Variants in ZBTB7C observed in about 807,000 individuals in gnomAD.
The protein encoded by ZBTB7C is zinc finger and BTB domain containing 7C, also known as zinc finger and BTB domain-containing protein 7C.
Under a neutral mutation model 25.7 loss-of-function variants are expected in ZBTB7C, and 8 were observed. That is an observed-to-expected ratio of 0.31 (90% CI 0.18 to 0.56). The LOEUF (loss-of-function observed/expected upper bound fraction) is 0.56, where lower values mean the gene tolerates loss of function less well. Ranked by LOEUF, ZBTB7C falls within the 20% of genes least tolerant of loss-of-function variation. The probability of loss-of-function intolerance (pLI) is 0.91; values close to 1 mark genes in which losing one functional copy is unlikely to be tolerated. For missense variants in ZBTB7C, 824 were observed against 855.2 expected (o/e 0.96, Z 0.46); for synonymous variants, 394 against 369.0 (o/e 1.07, Z -0.78).
chr18:48,228,619 G>T (rs2043166452), intron 2 of ZBTB7C, among the ~76,000 whole-genome samples: 1 of 151,978 alleles, frequency 6.6e-6, no homozygotes, highest in Non-Finnish European at 1.5e-5. Context: ...GCCCACTGTG[G>T]TTGCCGCCCC....
At chr18:48,239,945 C>T (rs1472480544) in intron 2 of ZBTB7C, among the ~76,000 whole-genome samples, 6 of 151,784 alleles carry the variant, frequency 4.0e-5, no homozygotes, top group African/African-American at 1.2e-4. Context: ...AGGTGAAAAC[C>T]AACTTAAAGA....
At chr18:48,090,777 GTCTTACCAGAA>G (rs2038382656) in intron 3 of ZBTB7C, among the ~76,000 whole-genome samples, 1 of 151,210 alleles carries the variant, frequency 6.6e-6, no homozygotes, top group Admixed American at 6.6e-5. Context: ...CCCCTTGCCT[GTCTTACCAGAA>G]TCAGACCCAT....
intron 1 of ZBTB7C, among the ~76,000 whole-genome samples, chr18:48,366,227 G>A (rs2047218522): frequency 1.3e-5 from 2 of 152,170 alleles, no homozygotes; most frequent in African/African-American, 4.8e-5. Context: ...AAACCAGTGG[G>A]GGAAAGATAG....
intron 3 of ZBTB7C, among the ~76,000 whole-genome samples, chr18:48,112,592 G>C (rs1379582204): frequency 6.6e-6 from 1 of 152,054 alleles, no homozygotes; most frequent in Non-Finnish European, 1.5e-5. Context: ...TTGAACTCTT[G>C]AACGACTTGG....
rs1256641502 is a variant in ZBTB7C, at chr18:48,311,347, A to T, written c.-79+26827T>A. 3.3e-5 allele frequency among the ~76,000 whole-genome samples: 5 copies of T among 151,896 alleles called. 1 individual carries two copies. Among genetic ancestry groups the T allele is most frequent in the African/African-American group, 9.7e-5 (4 of 41,418 alleles). On this transcript the variant is annotated intron_variant, in intron 2 of 4. Coordinates refer to ENST00000590800, the MANE Select transcript of ZBTB7C (RefSeq NM_001318841.2). ...GTAAATATCTGCTGAATGAAGAAAT[A>T]AAAAAAAATGAATGAATGAAAGTTA... is the stretch of plus-strand genomic sequence containing the variant.
At chr18:48,077,062 CAAAA>C (rs10539603) in intron 3 of ZBTB7C, 4,432 of 398,310 alleles carry the variant, frequency 0.011, no homozygotes, top group Non-Finnish European at 0.013. Context: ...TTGTTATATG[CAAAA>C]AAAAAAAAAA....
chr18:48,190,996 G>T (rs185527826), intron 2 of ZBTB7C, among the ~76,000 whole-genome samples: 77 of 152,296 alleles, frequency 5.1e-4, no homozygotes, highest in Admixed American at 5.9e-4. Flanking sequence ...ATGCTTGGGG[G>T]AGTCGTACAA....
intron 3 of ZBTB7C, among the ~76,000 whole-genome samples, chr18:48,044,686 C>T (rs1230080977): frequency 6.6e-6 from 1 of 152,232 alleles, no homozygotes; most frequent in Non-Finnish European, 1.5e-5. Context: ...GCCCCAAGCT[C>T]TTTGCTTCAG....
chr18:48,243,270 C>CAAAAAAA (rs57410285), intron 2 of ZBTB7C, among the ~76,000 whole-genome samples: 24 of 88,274 alleles, frequency 2.7e-4, no homozygotes, highest in Non-Finnish European at 3.6e-4. Flanking sequence ...TACCCCCCCA[C>CAAAAAAA]AAAAAAAAAA....
chr18:48,333,404 T>C (rs1017590325), intron 2 of ZBTB7C, among the ~76,000 whole-genome samples: 1 of 152,160 alleles, frequency 6.6e-6, no homozygotes, highest in African/African-American at 2.4e-5. Flanking sequence ...CACAGCACCT[T>C]TTACTTTTAG....
chr18:48,296,351 C>T (rs1005108658), intron 2 of ZBTB7C, among the ~76,000 whole-genome samples: 7 of 152,174 alleles, frequency 4.6e-5, no homozygotes, highest in East Asian at 1.9e-4. Context: ...GCTCCTCACT[C>T]GGGAGCCTCT....
intron 3 of ZBTB7C, among the ~76,000 whole-genome samples, chr18:48,045,795 G>A (rs2036445956): frequency 6.6e-6 from 1 of 152,190 alleles, no homozygotes; most frequent in Non-Finnish European, 1.5e-5. Context: ...AGCTGCTTGA[G>A]GGCAGATCAT....
At chr18:48,342,556 T>A (rs937565631) in intron 1 of ZBTB7C, among the ~76,000 whole-genome samples, 1 of 151,968 alleles carries the variant, frequency 6.6e-6, no homozygotes, top group Non-Finnish European at 1.5e-5. Context: ...ACCTAGAGAG[T>A]GTAATCAATT....
chr18:48,207,649 T>G (rs2042610729), intron 2 of ZBTB7C, among the ~76,000 whole-genome samples: 1 of 117,458 alleles, frequency 8.5e-6, no homozygotes. Context: ...AGACTGGATT[T>G]CCCTATGTTG....
intron 3 of ZBTB7C, among the ~76,000 whole-genome samples, chr18:48,106,460 A>G (rs2039031810): frequency 6.6e-6 from 1 of 152,174 alleles, no homozygotes; most frequent in East Asian, 1.9e-4. Flanking sequence ...AATGAATGAA[A>G]GTTGGTAGAG....
chr18:48,246,033 T>C (rs1209955218), intron 2 of ZBTB7C, among the ~76,000 whole-genome samples: 1 of 152,190 alleles, frequency 6.6e-6, no homozygotes, highest in African/African-American at 2.4e-5. Context: ...TATAATATAC[T>C]GTAAATACTA....
intron 3 of ZBTB7C, among the ~76,000 whole-genome samples, chr18:48,180,163 CCCTT>C (rs878925566): frequency 2.1e-4 from 25 of 118,438 alleles, no homozygotes; most frequent in South Asian, 2.0e-3. Flanking sequence ...CTCCCTCCCT[CCCTT>C]CCTTCCTTCC....
chr18:48,281,496 A>G (rs541542849), intron 2 of ZBTB7C, among the ~76,000 whole-genome samples: 2 of 152,330 alleles, frequency 1.3e-5, no homozygotes, highest in African/African-American at 4.8e-5. Context: ...TGCATAGCAA[A>G]AGAAACTACT....
chr18:48,115,329 G>A (rs527658653), intron 3 of ZBTB7C, among the ~76,000 whole-genome samples: 133 of 152,122 alleles, frequency 8.7e-4, no homozygotes, highest in African/African-American at 3.1e-3. Context: ...GCTCACTGCA[G>A]GCTCCGCCTC....
Sources: allele counts gnomAD v4.1 joint callset (sites outside exome capture counted in the v4.1 genomes callset), GRCh38; gene constraint gnomAD v4.1.1; transcripts MANE v1.5; gene names NCBI Gene and HGNC (gene_info 2026-07-23, HGNC 2026-07-21).